RAB3IL1: variants seen among roughly 807,000 people sequenced by gnomAD.
RAB3IL1 encodes the protein RAB3A interacting protein like 1, also known as guanine nucleotide exchange factor for Rab-3A.
In RAB3IL1, 37 loss-of-function variants were observed where a neutral mutation model predicts 49.2. That is an observed-to-expected ratio of 0.75 (90% CI 0.58 to 0.99). The LOEUF (loss-of-function observed/expected upper bound fraction) is 0.99, where lower values mean the gene tolerates loss of function less well. Among genes scored for constraint, RAB3IL1 ranks in the 50% least tolerant of loss-of-function variants. The pLI is 0.00. For synonymous variants in RAB3IL1, 193 were observed against 213.9 expected, an observed-to-expected ratio of 0.90 and a Z score of 0.85; for missense variants, 484 against 513.0, an observed-to-expected ratio of 0.94 and a Z score of 0.55.
chr11:61,940,514 A>G, the RAB3IL1 span, among the ~76,000 whole-genome samples: 2 of 152,072 alleles, frequency 1.3e-5, no homozygotes, highest in African/African-American at 2.4e-5. Flanking sequence ...GTGGCCAGGC[A>G]TAGTGGTTAT....
chr11:61,920,662 G>T (rs1475276194), upstream of RAB3IL1, among the ~76,000 whole-genome samples: 3 of 152,206 alleles, frequency 2.0e-5, no homozygotes, highest in African/African-American at 4.8e-5. Flanking sequence ...GGAGGCTCAC[G>T]CCTGTAATCC....
the RAB3IL1 span, among the ~76,000 whole-genome samples, chr11:61,936,257 C>CA: frequency 6.6e-6 from 1 of 152,072 alleles, no homozygotes; most frequent in South Asian, 2.1e-4. Flanking sequence ...AATAATGGCC[C>CA]AAAACTTCCA....
chr11:61,924,445 G>A (rs1939962970), upstream of RAB3IL1, among the ~76,000 whole-genome samples: 2 of 152,154 alleles, frequency 1.3e-5, no homozygotes, highest in African/African-American at 4.8e-5. Flanking sequence ...TCGAGGACAA[G>A]GCAGAGGCCC....
chr11:61,940,231 C>T, the RAB3IL1 span, among the ~76,000 whole-genome samples: 6 of 151,658 alleles, frequency 4.0e-5, no homozygotes, highest in South Asian at 2.1e-4. Flanking sequence ...CACCTGAGGT[C>T]GGGAGTTCGA....
chr11:61,934,446 G>GTGTGTGTATATATATATA, the RAB3IL1 span, among the ~76,000 whole-genome samples: 3 of 24,406 alleles, frequency 1.2e-4, no homozygotes, highest in Admixed American at 5.8e-4. Flanking sequence ...GTGTGTGTGT[G>GTGTGTGTATATATATATA]TATGTATATA....
intron 1 of RAB3IL1, among the ~76,000 whole-genome samples, chr11:61,915,056 G>C (rs768312488): frequency 1.3e-5 from 2 of 152,090 alleles, no homozygotes; most frequent in Non-Finnish European, 2.9e-5. Flanking sequence ...ACCCAAATGG[G>C]GGGCCATAAA....
upstream of RAB3IL1, among the ~76,000 whole-genome samples, chr11:61,920,681 T>G (rs889801570): frequency 6.6e-6 from 1 of 152,246 alleles, no homozygotes; most frequent in South Asian, 2.1e-4. Context: ...CCCAGCACTT[T>G]GGGAGGCTGA....
chr11:61,907,626 A>G lies in RAB3IL1; in HGVS notation c.299T>C (p.Leu100Pro), dbSNP rs779799962. The change falls in exon 3 of 10, where the codon CTG (leucine) becomes CCG (proline). Residue 100 changes from leucine to proline, a missense_variant. Coordinates refer to ENST00000394836, the MANE Select transcript of RAB3IL1 (RefSeq NM_013401.4). ...LKLKDEECER[L>P]SKVREQLEQE... is the part of the protein sequence containing the mutation. Reference sequence around the variant, plus strand: ...TTCTAGCTGCTCCCGCACCTTGGACAGCCGCTCACATTCCTCGTCCTTTAG... The same window carrying G: ...TTCTAGCTGCTCCCGCACCTTGGACGGCCGCTCACATTCCTCGTCCTTTAG... The G allele has an allele frequency of 1.9e-6, 3 of 1,614,100 alleles. No individual in the cohort carries two copies. Among genetic ancestry groups the G allele is most frequent in the Non-Finnish European group, 2.5e-6 (3 of 1,180,018 alleles).
chr11:61,919,378 C>T (rs1939835869), upstream of RAB3IL1, among the ~76,000 whole-genome samples: 1 of 152,228 alleles, frequency 6.6e-6, no homozygotes, highest in African/African-American at 2.4e-5. Context: ...TCCATGCTTC[C>T]TGCTACCATG....
At chr11:61,944,234 C>CCTTCCTTCCTTCCTTCCTTCCTTCCTTT in the RAB3IL1 span, among the ~76,000 whole-genome samples, 104 of 128,188 alleles carry the variant, frequency 8.1e-4, no homozygotes, top group Non-Finnish European at 1.2e-3. Flanking sequence ...TTCCTTCCTT[C>CCTTCCTTCCTTCCTTCCTTCCTTCCTTT]CTTCCTTCCT....
At chr11:61,902,323 A>G in intron 8 of RAB3IL1, 119 bp downstream of exon 8, 1 of 873,342 alleles carries the variant, frequency 1.1e-6, no homozygotes, top group Non-Finnish European at 1.7e-6. Context: ...CAAAAAATAA[A>G]TAAATAAAAT....
chr11:61,941,409 G>A, the RAB3IL1 span, among the ~76,000 whole-genome samples: 2 of 152,186 alleles, frequency 1.3e-5, no homozygotes, highest in African/African-American at 4.8e-5. Flanking sequence ...ATTCTCTTGT[G>A]CCAGTATTAT....
the RAB3IL1 span, among the ~76,000 whole-genome samples, chr11:61,926,043 A>G: frequency 6.6e-6 from 1 of 151,792 alleles, no homozygotes; most frequent in Admixed American, 6.6e-5. Context: ...AGATCTTAAC[A>G]GAAAAAGATC....
chr11:61,900,985 A>C (rs1462257558), intron 8 of RAB3IL1, among the ~76,000 whole-genome samples: 1 of 151,206 alleles, frequency 6.6e-6, no homozygotes, highest in Non-Finnish European at 1.5e-5. Flanking sequence ...CCAGGATCCC[A>C]GGTCTCGGTG....
the RAB3IL1 span, among the ~76,000 whole-genome samples, chr11:61,941,330 A>G: frequency 6.6e-6 from 1 of 152,198 alleles, no homozygotes; most frequent in African/African-American, 2.4e-5. Context: ...AACGATTAGG[A>G]GCAAATAAAG....
At chr11:61,943,853 C>G in the RAB3IL1 span, among the ~76,000 whole-genome samples, 1 of 152,212 alleles carries the variant, frequency 6.6e-6, no homozygotes, top group Non-Finnish European at 1.5e-5. Flanking sequence ...TTTTACAGGA[C>G]ACGGATTGCC....
the RAB3IL1 span, among the ~76,000 whole-genome samples, chr11:61,926,347 A>T: frequency 6.6e-6 from 1 of 152,216 alleles, no homozygotes; most frequent in African/African-American, 2.4e-5. Context: ...CTCATGAAGT[A>T]TACAGTTTAG....
At chr11:61,899,292 C>A (rs775732734) in intron 9 of RAB3IL1, 22 bp downstream of exon 9, 6 of 1,599,836 alleles carry the variant, frequency 3.8e-6, no homozygotes, top group South Asian at 3.3e-5. Flanking sequence ...GATCCCTGCA[C>A]CGGCCACCAG....
Position 61,899,308 on chromosome 11 carries a change from G to A in RAB3IL1, c.1066+6C>T, listed in dbSNP as rs202101065. 1.3e-4 allele frequency: 212 copies of A among 1,603,936 alleles called. No individual in the cohort carries two copies. The highest frequency in any genetic ancestry group is 1.7e-4 in the Non-Finnish European group (200 of 1,179,178). ...ATCCCTGCACCGGCCACCAGGGGGC[G>A]CTCACCGTCCTGCCGCACCAGGCCT... On this transcript the variant is annotated splice_donor_region_variant and intron_variant, in intron 9 of 9. Transcript: ENST00000394836.
Sources: gnomAD v4.1 joint callset for allele counts (sites outside exome capture counted in the v4.1 genomes callset) on GRCh38, gnomAD v4.1.1 for gene constraint, MANE v1.5 for transcripts, NCBI Gene and HGNC (gene_info 2026-07-23, HGNC 2026-07-21) for gene names.